Variants in CNIH3 observed in about 807,000 individuals in gnomAD.
CNIH3 encodes the protein cornichon family AMPA receptor auxiliary protein 3.
A neutral mutation model predicts 24.1 loss-of-function variants in CNIH3; 14 were observed. The ratio of observed to expected loss-of-function variants is 0.58; its 90% confidence interval spans 0.38 to 0.91. CNIH3 has a LOEUF of 0.91. Among genes scored for constraint, CNIH3 ranks in the 40% least tolerant of loss-of-function variants. The pLI is 0.00. For synonymous variants in CNIH3, 68 were observed against 73.8 expected, an observed-to-expected ratio of 0.92 and a Z score of 0.40; for missense variants, 178 against 196.8, an observed-to-expected ratio of 0.90 and a Z score of 0.57.
At chr1:224,693,413 T>G (rs1029506889) in intron 3 of CNIH3, among the ~76,000 whole-genome samples, 1 of 152,204 alleles carries the variant, frequency 6.6e-6, no homozygotes, top group Non-Finnish European at 1.5e-5. Context: ...GCAACCATAA[T>G]TTATTTCTCA....
At chr1:224,536,387 G>A (rs1210902956) in intron 2 of CNIH3, among the ~76,000 whole-genome samples, 1 of 147,684 alleles carries the variant, frequency 6.8e-6, no homozygotes, top group Non-Finnish European at 1.5e-5. Context: ...TGCCTCCTGC[G>A]TTCAAGCGAT....
In CNIH3 at chr1:224,574,467, A is replaced by G; in HGVS notation, n.516+8203A>G. 4.7e-6 allele frequency: 3 copies of G among 643,694 alleles called. No homozygotes were observed. In the South Asian group the frequency reaches 5.3e-5, roughly 11 times the overall value. 39.9% of individuals were successfully genotyped at this position (643,694 alleles called of 1,614,324 possible). A position where few individuals can be genotyped will look rare whatever the true frequency, so the allele number is the denominator to read the frequency against. ...CCACATTGTGCTCAACAATGGCACC[A>G]AGATGCCCATCCTGGGGCTAGGCAC... On this transcript the variant is annotated intron_variant and non_coding_transcript_variant, in intron 4 of 5. Transcript: ENST00000471578.
chr1:224,611,863 T>C (rs186259400), upstream of CNIH3, among the ~76,000 whole-genome samples: 4 of 152,320 alleles, frequency 2.6e-5, no homozygotes, highest in East Asian at 1.9e-4. Context: ...ACTAGAAACC[T>C]TGTGGATCCC....
At chr1:224,553,022 T>G (rs913300057) in intron 3 of CNIH3, among the ~76,000 whole-genome samples, 1 of 150,140 alleles carries the variant, frequency 6.7e-6, no homozygotes, top group African/African-American at 2.4e-5. Flanking sequence ...GCAATACATC[T>G]CCCTTAGATA....
At chr1:224,721,825 A>G (rs557727329) in intron 3 of CNIH3, among the ~76,000 whole-genome samples, 1 of 152,286 alleles carries the variant, frequency 6.6e-6, no homozygotes, top group African/African-American at 2.4e-5. Flanking sequence ...TCCGGCCAGA[A>G]CTGGAGGGGG....
At chr1:224,593,159 CTTT>C (rs773677216), downstream of CNIH3, among the ~76,000 whole-genome samples, 3 of 139,608 alleles carry the variant, frequency 2.1e-5, no homozygotes, top group Admixed American at 7.2e-5. Context: ...TTTTTTTTAA[CTTT>C]TTTTTTTTTT....
Position 224,484,152 on chromosome 1 carries a change from CA to C in CNIH3, n.204-31587del, listed in dbSNP as rs1374631614. On this transcript the variant is annotated intron_variant and non_coding_transcript_variant, in intron 1 of 5. Coordinates refer to the CNIH3 transcript ENST00000471578. ...CACCATTGCACTCTAGCCTGGGCAA[CA>C]AGAGCAAAACTCTGTCTCAAAAAAA... 2.2e-3 allele frequency among the ~76,000 whole-genome samples: 292 copies of C among 135,090 alleles called. 1 individual carries two copies. The highest frequency in any genetic ancestry group is 7.7e-3 in the African/African-American group (277 of 35,894). 88.6% of individuals were successfully genotyped at this position (135,090 alleles called of 152,430 possible).
upstream of CNIH3, among the ~76,000 whole-genome samples, chr1:224,512,388 G>T (rs1678191973): frequency 6.6e-6 from 1 of 152,148 alleles, no homozygotes; most frequent in Non-Finnish European, 1.5e-5. Context: ...AGGCTGAGGG[G>T]GAAATCAGTT....
chr1:224,627,302 C>G lies in CNIH3; in HGVS notation c.81+10047C>G, dbSNP rs1440908820. On this transcript the variant is annotated intron_variant, in intron 1 of 5. Transcript: ENST00000272133. ...AGTGCAGTGATGTGATCTCGGCTCACTGCAACCTCTGCCCCCGGGTTCAAG... is the reference window on the plus strand; with the variant it reads ...AGTGCAGTGATGTGATCTCGGCTCAGTGCAACCTCTGCCCCCGGGTTCAAG... Among the ~76,000 whole-genome samples the G allele has an allele frequency of 2.6e-5, 4 of 152,088 alleles. No homozygotes were observed. The South Asian group carries it at 8.3e-4, about 32-fold the overall frequency.
chr1:224,483,873 T>C (rs1222116197), intron 1 of CNIH3, among the ~76,000 whole-genome samples: 3 of 152,148 alleles, frequency 2.0e-5, no homozygotes, highest in African/African-American at 7.2e-5. Flanking sequence ...CTAACTACTT[T>C]TAAGATTTTT....
chr1:224,660,534 A>G (rs1385537034), intron 1 of CNIH3, among the ~76,000 whole-genome samples: 1 of 152,078 alleles, frequency 6.6e-6, no homozygotes, highest in African/African-American at 2.4e-5. Context: ...GGAAAAATGC[A>G]CTGAACACAT....
rs7511883 is a variant in CNIH3 at position 224,640,248 on chromosome 1, G to A, written c.81+22993G>A. On this transcript the variant is annotated intron_variant, in intron 1 of 5. Coordinates refer to ENST00000272133, the MANE Select transcript of CNIH3 (RefSeq NM_152495.2). ...GACACTCTCTGCTCTGTGACAGTGAGTGTATGCTCTTTCACCAGCCTCCGC... is the reference window on the plus strand; with the variant it reads ...GACACTCTCTGCTCTGTGACAGTGAATGTATGCTCTTTCACCAGCCTCCGC... 3.1e-3 allele frequency among the ~76,000 whole-genome samples: 466 copies of A among 152,324 alleles called. 5 individuals carry two copies. The highest frequency in any genetic ancestry group is 0.01 in the African/African-American group (435 of 41,568).
rs151329553 is a variant in CNIH3 at position 224,532,224 on chromosome 1, C to T, written n.344-4712C>T. Among the ~76,000 whole-genome samples the T allele has an allele frequency of 1.3e-3, 202 of 152,224 alleles. 4 individuals are homozygous for T. The East Asian group carries it at 0.032, about 24-fold the overall frequency. On this transcript the variant is annotated intron_variant and non_coding_transcript_variant, in intron 2 of 2. Coordinates refer to the CNIH3 transcript ENST00000470602. ...GGAGAGAGCCACAAACGACCATTTC[C>T]CGTGCAAAGGCTCTAGAGAGTGCGA...
At chr1:224,624,528 A>G (rs1683426164) in intron 1 of CNIH3, among the ~76,000 whole-genome samples, 1 of 151,776 alleles carries the variant, frequency 6.6e-6, no homozygotes, top group African/African-American at 2.4e-5. Flanking sequence ...TCTCTACCCC[A>G]TCTGCTCCTT....
chr1:224,586,722 G>T (rs1232778693), intron 5 of CNIH3, among the ~76,000 whole-genome samples: 1 of 152,168 alleles, frequency 6.6e-6, no homozygotes, highest in Non-Finnish European at 1.5e-5. Flanking sequence ...AATTAGTTAA[G>T]AATCTTGAGA....
intron 3 of CNIH3, among the ~76,000 whole-genome samples, chr1:224,600,768 G>A (rs1663413803): frequency 6.6e-6 from 1 of 152,222 alleles, no homozygotes; most frequent in Admixed American, 6.5e-5. Context: ...TTTGGAGAAA[G>A]TCCCTATAAC....
intron 2 of CNIH3, chr1:224,529,511 A>G (rs1235566893): frequency 6.6e-6 from 1 of 152,196 alleles, no homozygotes; most frequent in African/African-American, 2.4e-5. Flanking sequence ...CAAAGTACTC[A>G]ATATTAGCAA....
At chr1:224,729,412 CAAAAAAA>C (rs1184318000) in intron 3 of CNIH3, among the ~76,000 whole-genome samples, 4 of 44,592 alleles carry the variant, frequency 9.0e-5, no homozygotes, top group African/African-American at 2.6e-4. Flanking sequence ...ACTATGTCTC[CAAAAAAA>C]AAAAAAAAAA....
intron 4 of CNIH3, among the ~76,000 whole-genome samples, chr1:224,733,229 T>G (rs1399013390): frequency 6.6e-6 from 1 of 152,162 alleles, no homozygotes; most frequent in Non-Finnish European, 1.5e-5. Flanking sequence ...ATTTCACCGA[T>G]GAGAAAGTTG....
Sources: gnomAD v4.1 joint callset for allele counts (sites outside exome capture counted in the v4.1 genomes callset) on GRCh38, gnomAD v4.1.1 for gene constraint, MANE v1.5 for transcripts, NCBI Gene and HGNC (gene_info 2026-07-23, HGNC 2026-07-21) for gene names.